Variants in ZDHHC20 observed in about 807,000 individuals in gnomAD.
The protein encoded by ZDHHC20 is palmitoyltransferase ZDHHC20.
A neutral mutation model predicts 57.8 loss-of-function variants in ZDHHC20; 43 were observed. That is an observed-to-expected ratio of 0.74 (90% CI 0.58 to 0.96). ZDHHC20 has a LOEUF of 0.96. Ranked by LOEUF, ZDHHC20 falls within the 40% of genes least tolerant of loss-of-function variation. The probability of loss-of-function intolerance (pLI) is 0.00; values close to 1 mark genes in which losing one functional copy is unlikely to be tolerated. For missense variants in ZDHHC20, 391 were observed against 441.1 expected, an observed-to-expected ratio of 0.89 and a Z score of 1.02; for synonymous variants, 157 against 153.0, an observed-to-expected ratio of 1.03 and a Z score of -0.19.
chr13:21,428,408 A>G (rs1881532487), intron 1 of ZDHHC20, among the ~76,000 whole-genome samples: 1 of 151,238 alleles, frequency 6.6e-6, no homozygotes, highest in South Asian at 2.1e-4. Context: ...TTTAGTAGAG[A>G]CGGGGTTTCA....
chr13:21,430,284 T>C (rs549523590), intron 1 of ZDHHC20, among the ~76,000 whole-genome samples: 1 of 152,278 alleles, frequency 6.6e-6, no homozygotes, highest in Admixed American at 6.5e-5. Context: ...CCCAGCTCCC[T>C]GCTAGGCTTC....
intron 1 of ZDHHC20, among the ~76,000 whole-genome samples, chr13:21,434,238 A>G (rs1300890437): frequency 6.6e-6 from 1 of 152,220 alleles, no homozygotes; most frequent in Non-Finnish European, 1.5e-5. Context: ...TCACATTTGT[A>G]TCTCCTTTTT....
intron 4 of ZDHHC20, among the ~76,000 whole-genome samples, chr13:21,406,788 T>C (rs1035636248): frequency 4.6e-5 from 7 of 152,224 alleles, no homozygotes; most frequent in African/African-American, 1.7e-4. Flanking sequence ...CTATCACTGA[T>C]GGGCATTTGG....
At chr13:21,424,872 C>G (rs1881077733) in intron 2 of ZDHHC20, among the ~76,000 whole-genome samples, 1 of 152,040 alleles carries the variant, frequency 6.6e-6, no homozygotes, top group Non-Finnish European at 1.5e-5. Flanking sequence ...GAAAATAAGC[C>G]AACCAAGATT....
chr13:21,398,193 G>A (rs1278551099), intron 7 of ZDHHC20, among the ~76,000 whole-genome samples: 1 of 152,050 alleles, frequency 6.6e-6, no homozygotes, highest in Non-Finnish European at 1.5e-5. Flanking sequence ...GGTTGGGCGC[G>A]GTGGCTCACA....
rs140563731 is a variant in ZDHHC20 at position 21,418,461 on chromosome 13, T to C, written c.249+2600A>G. Among the ~76,000 whole-genome samples, 34 of 151,476 alleles carry C rather than the reference T, an allele frequency of 2.2e-4. 1 individual carries two copies. Among genetic ancestry groups the C allele is most frequent in the Admixed American group, 3.9e-4 (6 of 15,276 alleles). ...TGAGCCCTTTATATACACTATTAAC[T>C]CCATATATTAATATCTATTATTAAT... On this transcript the variant is annotated intron_variant, in intron 3 of 12. Coordinates refer to ENST00000400590, the MANE Select transcript of ZDHHC20 (RefSeq NM_001330059.2).
Position 21,389,358 on chromosome 13 carries a change from A to C in ZDHHC20, c.728-1724T>G, listed in dbSNP as rs570644257. On this transcript the variant is annotated intron_variant, in intron 8 of 12. Coordinates refer to ENST00000400590, the MANE Select transcript of ZDHHC20 (RefSeq NM_001330059.2). Reference sequence around the variant, plus strand: ...ATGTTTTTTCAAAGTGTGGGTTAAAACACCTTAACAGACCACATAATCAAC... The same window carrying C: ...ATGTTTTTTCAAAGTGTGGGTTAAACCACCTTAACAGACCACATAATCAAC... 3.9e-5 allele frequency among the ~76,000 whole-genome samples: 6 copies of C among 152,326 alleles called. No homozygotes were observed. The South Asian group carries it at 1.2e-3, about 32-fold the overall frequency.
At chr13:21,431,611 CAG>C (rs1881968067) in intron 1 of ZDHHC20, among the ~76,000 whole-genome samples, 1 of 152,218 alleles carries the variant, frequency 6.6e-6, no homozygotes, top group Admixed American at 6.5e-5. Context: ...TACAATGGAT[CAG>C]AGTTATAGTT....
chr13:21,445,688 A>G (rs996351815), intron 1 of ZDHHC20, among the ~76,000 whole-genome samples: 3 of 152,156 alleles, frequency 2.0e-5, no homozygotes, highest in African/African-American at 7.2e-5. Context: ...CAATCAATTC[A>G]CTCATTCAAC....
chr13:21,416,732 A>T (rs1880026304), intron 3 of ZDHHC20, among the ~76,000 whole-genome samples: 1 of 152,228 alleles, frequency 6.6e-6, no homozygotes, highest in Non-Finnish European at 1.5e-5. Flanking sequence ...GAAGACAGAG[A>T]AGAAAAGAAA....
At chr13:21,427,492 T>C (rs1479398535) in intron 1 of ZDHHC20, among the ~76,000 whole-genome samples, 1 of 152,168 alleles carries the variant, frequency 6.6e-6, no homozygotes, top group Non-Finnish European at 1.5e-5. Context: ...GTTGTCTCTT[T>C]CAGCTTCTCA....
intron 3 of ZDHHC20, among the ~76,000 whole-genome samples, chr13:21,418,084 T>C (rs1880221965): frequency 6.6e-6 from 1 of 152,162 alleles, no homozygotes; most frequent in Non-Finnish European, 1.5e-5. Context: ...TTACTGAAAA[T>C]CCACTATGTG....
Position 21,391,840 on chromosome 13 carries a change from A to G in ZDHHC20, c.609T>C (p.Asp203=). The change falls in exon 8 of 13, where the codon GAT becomes GAC. Residue 203 remains aspartate, a synonymous_variant. Coordinates refer to ENST00000400590, the MANE Select transcript of ZDHHC20 (RefSeq NM_001330059.2). ...AAAGTACGTGGAATTTTGCACGTGTATCTGTCAGTTCATTCTGAGGAAAAA... is the reference window on the plus strand; with the variant it reads ...AAAGTACGTGGAATTTTGCACGTGTGTCTGTCAGTTCATTCTGAGGAAAAA... ...FIKFWTNELT[D]TRAKFHVLFL... 6.2e-7 allele frequency: 1 copy of G among 1,611,470 alleles called. No homozygotes were observed. The highest frequency in any genetic ancestry group is 8.5e-7 in the Non-Finnish European group (1 of 1,179,094).
At position 21,383,008 on chromosome 13, in the gene ZDHHC20, A is replaced by AG; in HGVS notation, c.855dup (p.Asp288Ter). ...GTTGGAAAACTGCAACCATCACCCA[A>AG]GCTGCATAATGAAAAAGAGTAATAA... On this transcript the variant is annotated frameshift_variant and splice_region_variant, in exon 10 of 13. Coordinates refer to ENST00000400590, the MANE Select transcript of ZDHHC20 (RefSeq NM_001330059.2). LOFTEE classifies it high-confidence loss of function. The AG allele has an allele frequency of 6.4e-7, 1 of 1,556,252 alleles. No homozygotes were observed. The highest frequency in any genetic ancestry group is 8.7e-7 in the Non-Finnish European group (1 of 1,149,022).
intron 5 of ZDHHC20, 30 bp downstream of exon 5, chr13:21,402,767 A>G (rs748636895): frequency 1.8e-5 from 28 of 1,564,916 alleles, no homozygotes; most frequent in Non-Finnish European, 2.3e-5. Flanking sequence ...CCAGTGCTAG[A>G]TATTAAGCAT....
intron 6 of ZDHHC20, among the ~76,000 whole-genome samples, chr13:21,401,361 T>A (rs889826864): frequency 2.0e-5 from 3 of 152,214 alleles, no homozygotes; most frequent in Non-Finnish European, 4.4e-5. Context: ...AAATGGGTCA[T>A]CTGGGAAGTT....
At position 21,459,040 on chromosome 13, in the gene ZDHHC20, G is replaced by C. The variant is rs1428432396; in HGVS notation, c.118+14C>G. The C allele has an allele frequency of 6.3e-6, 10 of 1,579,364 alleles. No individual in the cohort carries two copies. Among genetic ancestry groups the C allele is most frequent in the African/African-American group, 1.4e-5 (1 of 71,220 alleles). On this transcript the variant is annotated intron_variant, in intron 1 of 12. Coordinates refer to ENST00000400590, the MANE Select transcript of ZDHHC20 (RefSeq NM_001330059.2). ...GGCCCGCGCCCCGCCGCAGTCCCCG[G>C]GGACGGTACTCACACACGCAGAGCT...
chr13:21,455,801 T>C (rs1472785406), intron 1 of ZDHHC20, among the ~76,000 whole-genome samples: 1 of 152,164 alleles, frequency 6.6e-6, no homozygotes, highest in Non-Finnish European at 1.5e-5. Context: ...TTAGGAATCT[T>C]CTGCAGCTGC....
chr13:21,385,143 T>TCTGG (rs1379941461), intron 9 of ZDHHC20, among the ~76,000 whole-genome samples: 1 of 152,090 alleles, frequency 6.6e-6, no homozygotes, highest in East Asian at 1.9e-4. Context: ...AAATACAACA[T>TCTGG]CTGGGCCAGG....
Sources: gnomAD v4.1 joint callset for allele counts (sites outside exome capture counted in the v4.1 genomes callset) on GRCh38, gnomAD v4.1.1 for gene constraint, MANE v1.5 for transcripts, NCBI Gene and HGNC (gene_info 2026-07-23, HGNC 2026-07-21) for gene names.